RNF144A: variants seen among roughly 807,000 people sequenced by gnomAD.
RNF144A encodes E3 ubiquitin-protein ligase RNF144A.
Under a neutral mutation model 38.7 loss-of-function variants are expected in RNF144A, and 11 were observed. The ratio of observed to expected loss-of-function variants is 0.28; its 90% confidence interval spans 0.18 to 0.47. The LOEUF (loss-of-function observed/expected upper bound fraction) is 0.47. Ranked by LOEUF, RNF144A falls within the 20% of genes least tolerant of loss-of-function variation. RNF144A has a pLI of 0.99. For missense variants in RNF144A, 316 were observed against 377.2 expected (o/e 0.84, Z 1.34); for synonymous variants, 149 against 143.9 (o/e 1.04, Z -0.25).
In RNF144A at chr2:6,973,397, T is replaced by C. The variant is rs115771475; in HGVS notation, c.-11-23519T>C. Among the ~76,000 whole-genome samples the C allele has an allele frequency of 3.4e-3, 525 of 152,332 alleles. 2 individuals carry two copies. Among genetic ancestry groups the C allele is most frequent in the African/African-American group, 0.012 (508 of 41,582 alleles). ...AATTTTATTGTACTGCCTCCATTTCTCCTGTGTATATCGGCATGTAAGGCC... is the reference window on the plus strand; with the variant it reads ...AATTTTATTGTACTGCCTCCATTTCCCCTGTGTATATCGGCATGTAAGGCC... On this transcript the variant is annotated intron_variant, in intron 2 of 8. Transcript: ENST00000320892.
intron 2 of RNF144A, among the ~76,000 whole-genome samples, chr2:6,989,746 A>G (rs1458864605): frequency 6.6e-6 from 1 of 152,120 alleles, no homozygotes; most frequent in African/African-American, 2.4e-5. Context: ...CACCCATTCA[A>G]GCCTCCTCTG....
downstream of RNF144A, among the ~76,000 whole-genome samples, chr2:7,072,237 G>A (rs185474220): frequency 2.0e-5 from 3 of 152,372 alleles, no homozygotes; most frequent in East Asian, 5.8e-4. Context: ...AGCTACAGGT[G>A]CTACTAGTGA....
chr2:7,018,459 C>T (rs1476239523), intron 5 of RNF144A, among the ~76,000 whole-genome samples: 6 of 152,180 alleles, frequency 3.9e-5, no homozygotes, highest in Non-Finnish European at 7.3e-5. Flanking sequence ...TGACCCAGGC[C>T]AGCTGCCTTT....
intron 2 of RNF144A, among the ~76,000 whole-genome samples, chr2:6,968,816 A>G (rs1667826952): frequency 1.3e-5 from 2 of 152,238 alleles, no homozygotes; most frequent in Non-Finnish European, 1.5e-5. Flanking sequence ...ATCCTCCTCA[A>G]GCATGACTGG....
intron 2 of RNF144A, among the ~76,000 whole-genome samples, chr2:6,991,017 C>G (rs145854739): frequency 8.7e-4 from 132 of 152,260 alleles, no homozygotes; most frequent in Non-Finnish European, 1.7e-3. Flanking sequence ...GGCTTGATGA[C>G]TTATTTTTTC....
intron 6 of RNF144A, among the ~76,000 whole-genome samples, chr2:7,057,832 C>T (rs1673798452): frequency 6.6e-6 from 1 of 152,124 alleles, no homozygotes; most frequent in Admixed American, 6.5e-5. Flanking sequence ...TCATAGAAAT[C>T]TGCCCAGGGA....
chr2:6,934,138 G>C (rs1471246478), intron 1 of RNF144A, among the ~76,000 whole-genome samples: 1 of 152,146 alleles, frequency 6.6e-6, no homozygotes, highest in Non-Finnish European at 1.5e-5. Context: ...ATGGATGAAA[G>C]TTCCTCTTTC....
At position 6,941,811 on chromosome 2, in the gene RNF144A, T is replaced by C. The variant is rs1241161496; in HGVS notation, c.-12+664T>C. ...ACTTAGCATCTGGGCAAGAGCGCTG[T>C]AGACAGAAGGGCTGGTGGCTGCAGC... On this transcript the variant is annotated intron_variant, in intron 2 of 8. Transcript: ENST00000320892. This position sits in a 1 kb window ranked among gnomAD's most constrained non-coding sequence, Gnocchi z 6.5. Among the ~76,000 whole-genome samples, 2 of 152,248 alleles carry C rather than the reference T, an allele frequency of 1.3e-5. No homozygotes were observed. Among genetic ancestry groups the C allele is most frequent in the Non-Finnish European group, 2.9e-5 (2 of 68,038 alleles).
intron 8 of RNF144A, 38 bp from the exon 9 acceptor site, chr2:7,039,591 G>T (rs763419883): frequency 2.5e-6 from 4 of 1,610,830 alleles, no homozygotes; most frequent in Non-Finnish European, 3.4e-6. Context: ...CTACAGACCA[G>T]CCCTCCTTAC....
intron 2 of RNF144A, among the ~76,000 whole-genome samples, chr2:6,981,323 T>C (rs1361081663): frequency 1.3e-5 from 2 of 152,186 alleles, no homozygotes; most frequent in African/African-American, 4.8e-5. Context: ...TTTTCTAAAC[T>C]TTTATCTCTG....
intron 6 of RNF144A, among the ~76,000 whole-genome samples, chr2:7,067,779 C>T (rs954970392): frequency 1.3e-5 from 2 of 152,178 alleles, no homozygotes; most frequent in African/African-American, 4.8e-5. Flanking sequence ...CTATGTCTAC[C>T]TGTGTACTTC....
Position 7,039,736 on chromosome 2 carries a change from T to C in RNF144A, c.855T>C (p.Gly285=). ...VLCCKCKCSK[G]DDDPLPT is the part of the protein sequence containing the mutation. ...GCTGCAAGTGCAAGTGCAGTAAAGG[T>C]GACGACGACCCGTTACCCACCTAGA... The change falls in exon 9 of 9, where the codon GGT becomes GGC. Residue 285 remains glycine, a synonymous_variant. Transcript: ENST00000320892. 6.8e-6 allele frequency: 11 copies of C among 1,613,738 alleles called. No individual in the cohort carries two copies. Among genetic ancestry groups the C allele is most frequent in the Non-Finnish European group, 9.3e-6 (11 of 1,179,972 alleles).
rs114901552 is a variant in RNF144A, at chr2:6,944,365, T to C, written c.-12+3218T>C. 1.0e-3 allele frequency among the ~76,000 whole-genome samples: 154 copies of C among 152,186 alleles called. No homozygotes were observed. The highest frequency in any genetic ancestry group is 3.6e-3 in the African/African-American group (149 of 41,524). On this transcript the variant is annotated intron_variant, in intron 2 of 8. Transcript: ENST00000320892. This position sits in a 1 kb window ranked among gnomAD's most constrained non-coding sequence, Gnocchi z 4.7. ...TCCTGTCTCACGTTTTCATGGTCCG[T>C]ACTTTAAAAGGGCTGCTGGAGAGAT...
At chr2:7,058,181 A>G (rs1192816799) in intron 6 of RNF144A, among the ~76,000 whole-genome samples, 2 of 152,188 alleles carry the variant, frequency 1.3e-5, no homozygotes, top group Non-Finnish European at 2.9e-5. Context: ...ACCTAGGGAC[A>G]GCTCCAAGAG....
chr2:7,009,664 T>TTGC (rs1427057555), intron 3 of RNF144A, among the ~76,000 whole-genome samples: 2 of 152,264 alleles, frequency 1.3e-5, no homozygotes, highest in Admixed American at 6.5e-5. Flanking sequence ...GCTGGGCAGT[T>TTGC]TGCTGCAGGT....
chr2:6,958,891 AC>A lies in RNF144A; in HGVS notation c.-12+17747del, dbSNP rs1283773425. ...GACACTATTCCAAAGCTTCTCTTTT[AC>A]CCAATGGCTCCCTAAAAGCTTCTCT... On this transcript the variant is annotated intron_variant, in intron 2 of 8. Coordinates refer to ENST00000320892, the MANE Select transcript of RNF144A (RefSeq NM_014746.6). The surrounding 1 kb of genome is among the most constrained non-coding windows in gnomAD (Gnocchi z 4.5). Among the ~76,000 whole-genome samples the A allele has an allele frequency of 6.6e-6, 1 of 152,018 alleles. No individual in the cohort carries two copies. The highest frequency in any genetic ancestry group is 1.9e-4 in the East Asian group (1 of 5,188).
chr2:6,981,544 T>C (rs1668635183), intron 2 of RNF144A, among the ~76,000 whole-genome samples: 1 of 152,206 alleles, frequency 6.6e-6, no homozygotes, highest in Non-Finnish European at 1.5e-5. Context: ...TACTAAAGCA[T>C]AGTGAGAGTG....
At chr2:7,000,843 T>A (rs1558420604) in intron 3 of RNF144A, among the ~76,000 whole-genome samples, 4 of 150,714 alleles carry the variant, frequency 2.7e-5, no homozygotes, top group African/African-American at 4.9e-5. Context: ...CACATATATT[T>A]TATATATATA....
chr2:6,944,766 G>T lies in RNF144A; in HGVS notation c.-12+3619G>T, dbSNP rs1666227811. On this transcript the variant is annotated intron_variant, in intron 2 of 8. Coordinates refer to ENST00000320892, the MANE Select transcript of RNF144A (RefSeq NM_014746.6). The surrounding 1 kb of genome is among the most constrained non-coding windows in gnomAD (Gnocchi z 4.7). ...TCTGTTGGCCACGCCCACCTCCCAG[G>T]ACGCTGTGTTTGGGAATCTGTCTCA... Among the ~76,000 whole-genome samples, 1 of 152,128 alleles carries T rather than the reference G, an allele frequency of 6.6e-6. No homozygotes were observed. Among genetic ancestry groups the T allele is most frequent in the African/African-American group, 2.4e-5 (1 of 41,422 alleles).
Sources: allele counts gnomAD v4.1 joint callset (sites outside exome capture counted in the v4.1 genomes callset), GRCh38; gene constraint gnomAD v4.1.1; non-coding constraint Gnocchi (gnomAD v3.1); transcripts MANE v1.5; gene names NCBI Gene and HGNC (gene_info 2026-07-23, HGNC 2026-07-21).